Variants in GLYAT observed in about 807,000 individuals in gnomAD.
GLYAT encodes the protein glycine-N-acyltransferase.
GLYAT carries 25 observed loss-of-function variants against 22.8 expected under a neutral mutation model. That is an observed-to-expected ratio of 1.09 (90% CI 0.80 to 1.53). GLYAT has a LOEUF of 1.53. Ranked by LOEUF, GLYAT falls within the 40% of genes most tolerant of loss-of-function variation. The pLI is 0.00. For missense variants in GLYAT, 411 were observed against 353.9 expected, an observed-to-expected ratio of 1.16 and a Z score of -1.29; for synonymous variants, 140 against 122.7, an observed-to-expected ratio of 1.14 and a Z score of -0.93.
chr11:58,726,599 T>C (rs114508905), intron 1 of GLYAT, among the ~76,000 whole-genome samples: 7 of 152,274 alleles, frequency 4.6e-5, no homozygotes, highest in African/African-American at 1.7e-4. Context: ...AGAAGGCTAA[T>C]TTGAGAATTT....
Position 58,708,984 on chromosome 11 carries a change from C to A in GLYAT, c.*782G>T, listed in dbSNP as rs1856574869. ...TCACATCCCTGGGTCAAGGTGCTCC[C>A]ACCTTCACCTTTTCATACACTCATT... On this transcript the variant is annotated 3_prime_UTR_variant, in exon 6 of 6. Transcript: ENST00000344743. 1 of 152,150 alleles carries A rather than the reference C, an allele frequency of 6.6e-6. No homozygotes were observed. Among genetic ancestry groups the A allele is most frequent in the Non-Finnish European group, 1.5e-5 (1 of 68,022 alleles). 9.4% of individuals were successfully genotyped at this position (152,150 alleles called of 1,614,324 possible).
chr11:58,717,898 T>G (rs1856703411), intron 2 of GLYAT, among the ~76,000 whole-genome samples: 1 of 152,068 alleles, frequency 6.6e-6, no homozygotes, highest in South Asian at 2.1e-4. Flanking sequence ...AGACTTTTTA[T>G]AGCAAAACCT....
rs371468402 is a variant in GLYAT, at chr11:58,728,801, T to TGAGA, written c.-16+3030_-16+3033dup. On this transcript the variant is annotated intron_variant, in intron 1 of 5. Transcript: ENST00000344743. ...TTCGTTGAGAGAGTAAACAGAGAGA[T>TGAGA]GAGAGAGAGAGAGAGAGAAAGAAAA... The TGAGA allele has an allele frequency of 4.5e-3, 503 of 112,568 alleles. 7 individuals carry two copies. The highest frequency in any genetic ancestry group is 0.042 in the Middle Eastern group (6 of 142). 7.0% of individuals were successfully genotyped at this position (112,568 alleles called of 1,614,324 possible). A position where few individuals can be genotyped will look rare whatever the true frequency, so the allele number is the denominator to read the frequency against.
intron 2 of GLYAT, 85 bp downstream of exon 2, chr11:58,724,330 AG>A: frequency 1.5e-6 from 1 of 646,082 alleles, no homozygotes; most frequent in Admixed American, 2.4e-5. Flanking sequence ...GGCTCAAAAT[AG>A]GTGCATCATA....
chr11:58,726,156 A>C (rs1856809829), intron 1 of GLYAT, among the ~76,000 whole-genome samples: 1 of 151,976 alleles, frequency 6.6e-6, no homozygotes, highest in Admixed American at 6.6e-5. Context: ...CAACCACTGG[A>C]CCATCACCTG....
intron 2 of GLYAT, chr11:58,724,215 C>A (rs556924293): frequency 7.6e-5 from 36 of 471,362 alleles, no homozygotes; most frequent in Non-Finnish European, 1.3e-4. Context: ...TTGAGAAAAT[C>A]AGTTAACTGA....
At chr11:58,721,123 AT>A (rs1419613850) in intron 2 of GLYAT, among the ~76,000 whole-genome samples, 1 of 151,954 alleles carries the variant, frequency 6.6e-6, no homozygotes, top group African/African-American at 2.4e-5. Context: ...ACGGAAGTAC[AT>A]TTTATAGATT....
intron 1 of GLYAT, among the ~76,000 whole-genome samples, chr11:58,728,968 G>A (rs946318611): frequency 3.3e-5 from 5 of 151,772 alleles, no homozygotes; most frequent in East Asian, 1.9e-4. Flanking sequence ...GAAAAGAAAG[G>A]AAGGAAGGAA....
intron 1 of GLYAT, among the ~76,000 whole-genome samples, chr11:58,724,975 C>A (rs1247773087): frequency 1.3e-5 from 2 of 152,016 alleles, no homozygotes; most frequent in African/African-American, 4.8e-5. Context: ...GATTGTAGGT[C>A]TTATATTAAG....
intron 2 of GLYAT, among the ~76,000 whole-genome samples, chr11:58,723,681 G>A (rs1328420697): frequency 6.6e-6 from 1 of 151,990 alleles, no homozygotes; most frequent in East Asian, 1.9e-4. Flanking sequence ...TTCCATTGGA[G>A]TGAGCCATAT....
At chr11:58,728,877 AGAAAGAAAGAAAGAAGGAAGGAAG>A (rs1342924760) in intron 1 of GLYAT, 7 of 119,750 alleles carry the variant, frequency 5.8e-5, no homozygotes, top group Admixed American at 2.5e-4. Context: ...AAAGAAAGAA[AGAAAGAAAGAAAGAAGGAAGGAAG>A]GAAGGAAGGA....
chr11:58,717,484 T>G (rs1590670060), intron 2 of GLYAT, among the ~76,000 whole-genome samples: 1 of 152,056 alleles, frequency 6.6e-6, no homozygotes, highest in Non-Finnish European at 1.5e-5. Flanking sequence ...GTTTAAGTTG[T>G]TTGGCTTCAG....
At position 58,724,475 on chromosome 11, in the gene GLYAT, C is replaced by T. The variant is rs750783631; in HGVS notation, c.22G>A (p.Ala8Thr). ...TTCTCCAGCATCTGCAGCATCTGGG[C>T]ACCTTGCAATGGTAACATCATGGAG... MMLPLQG[A>T]QMLQMLEKSL... The change falls in exon 2 of 6, where the codon GCC becomes ACC. Residue 8 changes from alanine (A) to threonine (T), a missense_variant. Physicochemically the swap from Ala to Thr is moderately conservative, Grantham distance 58. Coordinates refer to ENST00000344743, the MANE Select transcript of GLYAT (RefSeq NM_201648.3). 1 of 1,606,460 alleles carries T rather than the reference C, an allele frequency of 6.2e-7. No homozygotes were observed. The highest frequency in any genetic ancestry group is 8.5e-7 in the Non-Finnish European group (1 of 1,174,210).
intron 2 of GLYAT, among the ~76,000 whole-genome samples, chr11:58,718,679 A>C (rs563192263): frequency 6.6e-6 from 1 of 152,004 alleles, no homozygotes; most frequent in East Asian, 1.9e-4. Flanking sequence ...AAAATTTATT[A>C]CTTCTGTGGC....
chr11:58,719,106 A>G (rs1040007016), intron 2 of GLYAT, among the ~76,000 whole-genome samples: 6 of 152,148 alleles, frequency 3.9e-5, no homozygotes, highest in African/African-American at 9.6e-5. Context: ...AGAAAAAGAC[A>G]TAATTTATAG....
chr11:58,724,587 T>C, intron 1 of GLYAT, 76 bp from the exon 2 acceptor site: 1 of 644,260 alleles, frequency 1.6e-6, no homozygotes, highest in Non-Finnish European at 2.3e-6. Context: ...GCAAGTTCTT[T>C]ATTAATGACC....
chr11:58,710,875 T>C (rs1176623569), intron 4 of GLYAT, 114 bp from the exon 5 acceptor site: 1 of 686,678 alleles, frequency 1.5e-6, no homozygotes, highest in African/African-American at 1.8e-5. Flanking sequence ...GTTCTGGGCT[T>C]GGTGCTACCA....
At chr11:58,727,719 G>A (rs1401001994) in intron 1 of GLYAT, among the ~76,000 whole-genome samples, 1 of 152,168 alleles carries the variant, frequency 6.6e-6, no homozygotes, top group Admixed American at 6.5e-5. Context: ...TCAAGCATGT[G>A]CATTCAGAGA....
chr11:58,720,698 AC>A (rs1245519530), intron 2 of GLYAT, among the ~76,000 whole-genome samples: 1 of 152,004 alleles, frequency 6.6e-6, no homozygotes, highest in East Asian at 1.9e-4. Context: ...TTTTCATTAA[AC>A]CCATATCAAT....
Sources: allele counts gnomAD v4.1 joint callset (sites outside exome capture counted in the v4.1 genomes callset), GRCh38; gene constraint gnomAD v4.1.1; transcripts MANE v1.5; gene names NCBI Gene and HGNC (gene_info 2026-07-23, HGNC 2026-07-21).